KNDC1: variants seen among roughly 807,000 people sequenced by gnomAD.
KNDC1 encodes kinase non-catalytic C-lobe domain-containing protein 1.
A neutral mutation model predicts 172.8 loss-of-function variants in KNDC1; 106 were observed. The ratio of observed to expected loss-of-function variants is 0.61; its 90% CI spans 0.52 to 0.72. KNDC1 has a LOEUF of 0.72. Ranked by LOEUF, KNDC1 falls within the 30% of genes least tolerant of loss-of-function variation. The pLI is 0.00. For missense variants in KNDC1, 2,325 were observed against 2,394.5 expected (o/e 0.97, Z 0.61); for synonymous variants, 1,083 against 1,062.2 (o/e 1.02, Z -0.38).
intron 28 of KNDC1, 74 bp from the exon 29 acceptor site, chr10:133,219,881 G>T (rs1012584991): frequency 1.2e-5 from 17 of 1,435,398 alleles, no homozygotes; most frequent in Admixed American, 4.8e-5. Context: ...GTTGGGCTGC[G>T]CTGGCCCCGG....
rs939436940 is a variant in KNDC1 at position 133,219,231 on chromosome 10, G to A, written c.4860+141G>A. On this transcript the variant is annotated intron_variant, in intron 28 of 29. Coordinates refer to ENST00000304613, the MANE Select transcript of KNDC1 (RefSeq NM_152643.8). ...GCCCAGCCAGGGTGGCCTCACGGAG[G>A]CCTTGGAGTCATCTCCCGGCAGGGC... 4.0e-6 allele frequency: 4 copies of A among 999,266 alleles called. No individual in the cohort carries two copies. The African/African-American group carries it at 6.5e-5, about 16-fold the overall frequency. The allele number at this position is 999,266 out of a possible 1,614,324, so 61.9% of individuals were successfully genotyped here.
chr10:133,189,828 C>T lies in KNDC1; in HGVS notation c.1575+15C>T. The T allele has an allele frequency of 6.2e-7, 1 of 1,604,744 alleles. No individual in the cohort carries two copies. Among genetic ancestry groups the T allele is most frequent in the Non-Finnish European group, 8.5e-7 (1 of 1,174,262 alleles). ...TAACTGAAAAGGTACCCGGGCCCTC[C>T]CCACCCTGCCCCAGCCCTGCCCCCA... On this transcript the variant is annotated intron_variant, in intron 9 of 29. Transcript: ENST00000304613.
chr10:133,220,119 AGGGGCTC>A lies in KNDC1; in HGVS notation c.5018+8_5018+14del. On this transcript the variant is annotated splice_region_variant and intron_variant, in intron 29 of 29. Transcript: ENST00000304613. ...ACAGGTGGAGCAAGCTCAGGTGAGG[AGGGGCTC>A]AGGCGGCCGCGCGCCCAGGAGAGGA... 6.6e-7 allele frequency: 1 copy of A among 1,520,894 alleles called. No homozygotes were observed. Among genetic ancestry groups the A allele is most frequent in the Non-Finnish European group, 8.9e-7 (1 of 1,123,634 alleles). The allele number at this position is 1,520,894 out of a possible 1,614,324, so 94.2% of individuals were successfully genotyped here. A position where few individuals can be genotyped will look rare whatever the true frequency, so the allele number is the denominator to read the frequency against.
In KNDC1 at chr10:133,167,418, A is replaced by G; in HGVS notation, c.140A>G (p.Asp47Gly). The G allele has an allele frequency of 6.2e-7, 1 of 1,602,122 alleles. No individual in the cohort carries two copies. ...VSLADILSLR[D>G]RGLSEQEAWA... Reference sequence around the variant, plus strand: ...CTGGCTGACATCCTCTCCCTGCGGGACCGCGGCCTCAGCGAGCAGGAAGCC... The same window carrying G: ...CTGGCTGACATCCTCTCCCTGCGGGGCCGCGGCCTCAGCGAGCAGGAAGCC... The change falls in exon 2 of 30, where the codon GAC (aspartate) becomes GGC (glycine). Residue 47 changes from aspartate to glycine, a missense_variant. Transcript: ENST00000304613.
At position 133,210,544 on chromosome 10, in the gene KNDC1, C is replaced by T. The variant is rs190208483; in HGVS notation, c.3795-67C>T. 2.3e-4 allele frequency: 214 copies of T among 925,026 alleles called. 1 individual carries two copies. In the African/African-American group the frequency reaches 2.8e-3, roughly 12 times the overall value. The allele number at this position is 925,026 out of a possible 1,614,324, so 57.3% of individuals were successfully genotyped here. On this transcript the variant is annotated intron_variant, in intron 20 of 29. Transcript: ENST00000304613. ...CACACATACAGTCACACCCCACCAC[C>T]GAACACTAGCCGAGCCCTGGGGTGC...
rs775238415 is a variant in KNDC1 at position 133,218,803 on chromosome 10, C to T, written c.4678-28C>T. On this transcript the variant is annotated intron_variant, in intron 26 of 29. Coordinates refer to ENST00000304613, the MANE Select transcript of KNDC1 (RefSeq NM_152643.8). ...CCTTTGTTCATCTTAAACCAGAAGA[C>T]GCTGAATGTGTCATTTTCTTATTGC... 1.4e-5 allele frequency: 22 copies of T among 1,605,218 alleles called. 1 individual carries two copies. In the Middle Eastern group the frequency reaches 8.3e-4, roughly 61 times the overall value.
chr10:133,210,165 C>T, intron 20 of KNDC1, among the ~76,000 whole-genome samples: 1 of 152,024 alleles, frequency 6.6e-6, no homozygotes, highest in Non-Finnish European at 1.5e-5. Context: ...GCAGGCAGAT[C>T]ACCTGAGGTC....
At chr10:133,212,012 C>A (rs1845377424) in intron 23 of KNDC1, among the ~76,000 whole-genome samples, 154 bp downstream of exon 23, 1 of 152,180 alleles carries the variant, frequency 6.6e-6, no homozygotes, top group Admixed American at 6.5e-5. Context: ...TGTGCACATA[C>A]ACTTGTGTGC....
At chr10:133,175,498 G>T (rs1240491457) in intron 3 of KNDC1, among the ~76,000 whole-genome samples, 1 of 149,830 alleles carries the variant, frequency 6.7e-6, no homozygotes, top group African/African-American at 2.5e-5. Context: ...GTAGATAGAT[G>T]GGTAGATGAA....
intron 1 of KNDC1, among the ~76,000 whole-genome samples, chr10:133,165,635 G>A (rs1853125937): frequency 6.6e-6 from 1 of 152,246 alleles, no homozygotes; most frequent in South Asian, 2.1e-4. Context: ...GTGTGCATGT[G>A]TGTGCCAGTG....
chr10:133,201,545 T>G lies in KNDC1; in HGVS notation c.3034T>G (p.Cys1012Gly), dbSNP rs757655062. Residue 1012 changes from cysteine (C) to glycine (G), a missense_variant, in exon 17 of 30, where the codon TGC becomes GGC. By Grantham distance (159) the Cys-to-Gly change is radical. Transcript: ENST00000304613. ...GGCCAGGACCAGCAGCAGGGCCCCC[T>G]GCTCACCCACCTCGGTGTCGGATGT... ...AMARTSSRAP[C>G]SPTSVSDVDS... The G allele has an allele frequency of 2.4e-5, 39 of 1,611,378 alleles. No individual in the cohort carries two copies. The highest frequency in any genetic ancestry group is 6.7e-5 in the Admixed American group (4 of 59,830).
intron 26 of KNDC1, among the ~76,000 whole-genome samples, chr10:133,217,767 G>A (rs74379488): frequency 3.2e-4 from 45 of 140,692 alleles, no homozygotes; most frequent in Non-Finnish European, 5.8e-4. Flanking sequence ...GACCTGCCTG[G>A]CCAATATGGT....
rs558168704 is a variant in KNDC1 at position 133,182,788 on chromosome 10, T to C, written c.361-556T>C. On this transcript the variant is annotated intron_variant, in intron 3 of 29. Coordinates refer to ENST00000304613, the MANE Select transcript of KNDC1 (RefSeq NM_152643.8). ...CAGAAAGCGCAGAGGGGCGGGGCCATGGCCAGCACAGATCTAGGCCCAACT... is the reference window on the plus strand; with the variant it reads ...CAGAAAGCGCAGAGGGGCGGGGCCACGGCCAGCACAGATCTAGGCCCAACT... 2.6e-3 allele frequency among the ~76,000 whole-genome samples: 395 copies of C among 152,352 alleles called. 2 individuals are homozygous for C. Among genetic ancestry groups the C allele is most frequent in the Middle Eastern group, 6.8e-3 (2 of 294 alleles).
chr10:133,194,174 C>T (rs544718453), intron 9 of KNDC1, among the ~76,000 whole-genome samples: 78 of 152,282 alleles, frequency 5.1e-4, no homozygotes, highest in African/African-American at 1.8e-3. Flanking sequence ...AAATCCTGAG[C>T]CATAACGCAA....
At position 133,224,752 on chromosome 10, in the gene KNDC1, G is replaced by A; in HGVS notation, c.5112G>A (p.Gln1704=). ...PDPKLQSYLK[Q]RIARFSGADI... ...CCAAGCTCCAGTCGTACCTCAAGCA[G>A]AGGATTGCCCGCTTCAGCGGTGCCG... is the stretch of plus-strand genomic sequence containing the variant. The change falls in exon 30 of 30, where the codon CAG becomes CAA. Residue 1704 remains glutamine (Q), a synonymous_variant. Coordinates refer to ENST00000304613, the MANE Select transcript of KNDC1 (RefSeq NM_152643.8). This position sits in a 1 kb window ranked among gnomAD's most constrained non-coding sequence, Gnocchi z 5.4. The A allele has an allele frequency of 6.2e-7, 1 of 1,614,134 alleles. No homozygotes were observed. Among genetic ancestry groups the A allele is most frequent in the Non-Finnish European group, 8.5e-7 (1 of 1,180,028 alleles).
At chr10:133,189,960 G>A (rs1854033962) in intron 9 of KNDC1, 147 bp downstream of exon 9, 2 of 723,728 alleles carry the variant, frequency 2.8e-6, no homozygotes, top group Non-Finnish European at 4.8e-6. Context: ...GTATCTGCCA[G>A]CAGGGCCGTG....
rs535980044 is a variant in KNDC1 at position 133,216,573 on chromosome 10, A to G, written c.4678-2258A>G. Among the ~76,000 whole-genome samples the G allele has an allele frequency of 3.3e-3, 498 of 152,210 alleles. 7 individuals are homozygous for G. Among genetic ancestry groups the G allele is most frequent in the Middle Eastern group, 3.4e-3 (1 of 294 alleles). On this transcript the variant is annotated intron_variant, in intron 26 of 29. Transcript: ENST00000304613. ...ACACCTGGAGTCCCAGCTCCTCAGG[A>G]GGCTGAGGCGGGAGGATCACTGGAG... is the stretch of plus-strand genomic sequence containing the variant.
rs1020276030 is a variant in KNDC1 at position 133,163,860 on chromosome 10, G to A, written c.102+3291G>A. ...CTGCCCTGGAGAGCAGCCCAGTCCCGGGGGTTCATGTCCACCTGCCTTCCC... is the reference window on the plus strand; with the variant it reads ...CTGCCCTGGAGAGCAGCCCAGTCCCAGGGGTTCATGTCCACCTGCCTTCCC... On this transcript the variant is annotated intron_variant, in intron 1 of 29. Coordinates refer to ENST00000304613, the MANE Select transcript of KNDC1 (RefSeq NM_152643.8). The surrounding 1 kb of genome is among the most constrained non-coding windows in gnomAD (Gnocchi z 4.4). Among the ~76,000 whole-genome samples the A allele has an allele frequency of 4.6e-5, 7 of 151,808 alleles. No homozygotes were observed. The highest frequency in any genetic ancestry group is 1.5e-4 in the African/African-American group (6 of 41,264).
At chr10:133,203,290 G>A (rs1454531287) in intron 17 of KNDC1, among the ~76,000 whole-genome samples, 10 of 151,962 alleles carry the variant, frequency 6.6e-5, no homozygotes, top group Middle Eastern at 3.4e-3. Context: ...AACTCACGGC[G>A]TCCAGCGGGG....
Sources: gnomAD v4.1 joint callset for allele counts (sites outside exome capture counted in the v4.1 genomes callset) on GRCh38, gnomAD v4.1.1 for gene constraint, Gnocchi (gnomAD v3.1) non-coding constraint, MANE v1.5 for transcripts, NCBI Gene and HGNC (gene_info 2026-07-23, HGNC 2026-07-21) for gene names.